PIGN: variants seen among roughly 807,000 people sequenced by gnomAD.
The protein encoded by PIGN is GPI ethanolamine phosphate transferase 1.
Under a neutral mutation model 125.4 loss-of-function variants are expected in PIGN, and 117 were observed. The observed-to-expected ratio is 0.93, with a 90% CI of 0.80 to 1.09. PIGN has a LOEUF of 1.09. PIGN is among the 50% of genes least tolerant of loss of function. The pLI, the probability that PIGN is intolerant of heterozygous loss-of-function variation, is 0.00. For synonymous variants in PIGN, 392 were observed against 377.8 expected, an observed-to-expected ratio of 1.04 and a Z score of -0.44; for missense variants, 1,075 against 1,094.9, an observed-to-expected ratio of 0.98 and a Z score of 0.26.
intron 28 of PIGN, among the ~76,000 whole-genome samples, chr18:62,078,831 C>T (rs2033306813): frequency 6.6e-6 from 1 of 152,140 alleles, no homozygotes; most frequent in South Asian, 2.1e-4. Context: ...ATAAATATTA[C>T]TTATCATCCC....
chr18:62,087,014 G>C (rs1007451693), intron 25 of PIGN, among the ~76,000 whole-genome samples: 1 of 152,150 alleles, frequency 6.6e-6, no homozygotes, highest in African/African-American at 2.4e-5. Flanking sequence ...ACACATATTT[G>C]GTGATGCCCA....
At chr18:62,033,320 G>C (rs1230294251) in intron 23 of PIGN, among the ~76,000 whole-genome samples, 2 of 152,188 alleles carry the variant, frequency 1.3e-5, no homozygotes, top group African/African-American at 4.8e-5. Flanking sequence ...TGTAAAGTTG[G>C]ATTGAGAGGA....
At chr18:62,037,482 T>C (rs1568105514), downstream of PIGN, among the ~76,000 whole-genome samples, 1 of 152,246 alleles carries the variant, frequency 6.6e-6, no homozygotes, top group Non-Finnish European at 1.5e-5. Context: ...AGCAGGGACG[T>C]AAAGGCCTAG....
Position 62,052,963 on chromosome 18 carries a change from C to G in PIGN, c.2673-6984G>C, listed in dbSNP as rs2031436898. 7.8e-6 allele frequency: 3 copies of G among 385,350 alleles called. No individual in the cohort carries two copies. In the South Asian group the frequency reaches 4.1e-4, roughly 52 times the overall value. The allele number at this position is 385,350 out of a possible 1,614,324, so 23.9% of individuals were successfully genotyped here. On this transcript the variant is annotated intron_variant, in intron 30 of 30. Transcript: ENST00000640252. Reference sequence around the variant, plus strand: ...ATTTCTCTGAAGGAAGTTTTCTAAACAGAAATAAAACAATAAAGAAAGAAT... The same window carrying G: ...ATTTCTCTGAAGGAAGTTTTCTAAAGAGAAATAAAACAATAAAGAAAGAAT...
intron 7 of PIGN, among the ~76,000 whole-genome samples, chr18:62,148,565 T>C (rs917348680): frequency 6.6e-6 from 1 of 152,178 alleles, no homozygotes; most frequent in African/African-American, 2.4e-5. Flanking sequence ...CAAAAAAAGA[T>C]GTTAGAAAGG....
intron 1 of PIGN, among the ~76,000 whole-genome samples, chr18:62,178,570 G>T: frequency 6.7e-6 from 1 of 149,856 alleles, no homozygotes; most frequent in South Asian, 2.1e-4. Flanking sequence ...AGGAATTCAA[G>T]GCTAGCCTGG....
chr18:62,037,587 G>A (rs575448924), downstream of PIGN, among the ~76,000 whole-genome samples: 10 of 152,348 alleles, frequency 6.6e-5, no homozygotes, highest in East Asian at 5.8e-4. Flanking sequence ...TGAGGGCAGC[G>A]GGTCCATGCT....
In PIGN at chr18:62,043,915, T is replaced by C. The variant is rs956602452; in HGVS notation, c.*1941A>G. 2 of 152,228 alleles carry C rather than the reference T, an allele frequency of 1.3e-5. No homozygotes were observed. Among genetic ancestry groups the C allele is most frequent in the African/African-American group, 4.8e-5 (2 of 41,470 alleles). 9.4% of individuals were successfully genotyped at this position (152,228 alleles called of 1,614,324 possible). On this transcript the variant is annotated 3_prime_UTR_variant, in exon 31 of 31. Transcript: ENST00000640252. ...AAAAAATAAATACCTTAAATAGAAA[T>C]ACTTTTTCCCTAACTCGTTTCTTTT...
rs958282628 is a variant in PIGN at position 62,042,495 on chromosome 18, C to G, written c.*3361G>C. On this transcript the variant is annotated 3_prime_UTR_variant, in exon 31 of 31. Transcript: ENST00000640252. ...TAACTGTAACCCGTTTTAAGTGTAC[C>G]CAAGGAAATGAATAAGAGACACATC... The G allele has an allele frequency of 1.3e-5, 2 of 151,848 alleles. No homozygotes were observed. The highest frequency in any genetic ancestry group is 2.4e-5 in the African/African-American group (1 of 41,328). 9.4% of individuals were successfully genotyped at this position (151,848 alleles called of 1,614,324 possible).
chr18:62,073,705 G>A (rs776129826), intron 29 of PIGN, among the ~76,000 whole-genome samples: 4 of 152,142 alleles, frequency 2.6e-5, no homozygotes, highest in Non-Finnish European at 5.9e-5. Context: ...CATCTAAACC[G>A]AGTGACTAGG....
At chr18:62,023,159 C>G (rs2030074191) in intron 23 of PIGN, among the ~76,000 whole-genome samples, 1 of 152,080 alleles carries the variant, frequency 6.6e-6, no homozygotes, top group Admixed American at 6.6e-5. Flanking sequence ...GTTGTGCAAC[C>G]ATCACCATGA....
chr18:62,036,172 A>C (rs550649784), downstream of PIGN, among the ~76,000 whole-genome samples: 2 of 152,320 alleles, frequency 1.3e-5, no homozygotes, highest in South Asian at 4.1e-4. Context: ...CAAGAGCTGC[A>C]CTGCATTGGC....
chr18:62,135,546 T>G (rs1248400460), intron 14 of PIGN: 1 of 152,062 alleles, frequency 6.6e-6, no homozygotes, highest in Non-Finnish European at 1.5e-5. Context: ...GGGGTAGCAG[T>G]GTGCACCTGA....
chr18:62,143,229 T>A, intron 11 of PIGN, 77 bp downstream of exon 11: 1 of 746,812 alleles, frequency 1.3e-6, no homozygotes, highest in Non-Finnish European at 2.3e-6. Context: ...TAATATTATC[T>A]CTTTTTCATA....
intron 14 of PIGN, chr18:62,136,835 A>C (rs2035952155): frequency 2.7e-6 from 1 of 376,830 alleles, no homozygotes; most frequent in Non-Finnish European, 4.7e-6. Context: ...TCAGTAGTGC[A>C]GAGCCAGGTC....
chr18:62,113,106 T>C (rs140841291), intron 16 of PIGN, 28 bp downstream of exon 16: 26 of 1,546,552 alleles, frequency 1.7e-5, no homozygotes, highest in Admixed American at 9.3e-5. Flanking sequence ...TATACCATCA[T>C]CTGAATCCTC....
chr18:62,132,389 T>A (rs2035772291), intron 14 of PIGN, among the ~76,000 whole-genome samples: 5 of 152,194 alleles, frequency 3.3e-5, no homozygotes, highest in Admixed American at 3.3e-4. Flanking sequence ...CAAGGGGGAA[T>A]GAAATTTTTA....
chr18:62,026,987 G>A (rs577215568), intron 23 of PIGN, among the ~76,000 whole-genome samples: 1 of 152,318 alleles, frequency 6.6e-6, no homozygotes, highest in African/African-American at 2.4e-5. Flanking sequence ...TGGATCACCT[G>A]AGGTCAGGAG....
intron 4 of PIGN, among the ~76,000 whole-genome samples, chr18:62,159,406 G>A (rs1175795039): frequency 6.6e-6 from 1 of 152,132 alleles, no homozygotes. Context: ...AGTGCCACCA[G>A]AAAAGCTTGA....
Sources: gnomAD v4.1 joint callset for allele counts (sites outside exome capture counted in the v4.1 genomes callset) on GRCh38, gnomAD v4.1.1 for gene constraint, MANE v1.5 for transcripts, NCBI Gene and HGNC (gene_info 2026-07-23, HGNC 2026-07-21) for gene names.